The following PRKG2 variants were observed in gnomAD, a reference collection of about 807,000 sequenced individuals.
The protein encoded by PRKG2 is cGMP-dependent protein kinase 2.
PRKG2 carries 33 observed loss-of-function variants against 97.2 expected under a neutral mutation model. The ratio of observed to expected loss-of-function variants is 0.34; its 90% CI spans 0.26 to 0.45. The LOEUF is 0.45. PRKG2 is among the 20% of genes least tolerant of loss of function. The pLI is 1.00. For missense variants in PRKG2, 638 were observed against 900.0 expected (o/e 0.71, Z 3.73); for synonymous variants, 330 against 321.8 (o/e 1.03, Z -0.27).
intron 14 of PRKG2, among the ~76,000 whole-genome samples, chr4:81,115,131 C>T (rs1744384814): frequency 6.6e-6 from 1 of 151,982 alleles, no homozygotes; most frequent in Non-Finnish European, 1.5e-5. Context: ...GAAATGTATA[C>T]AAGAGTAAAA....
intron 1 of PRKG2, among the ~76,000 whole-genome samples, chr4:81,210,399 C>A (rs1753908127): frequency 6.6e-6 from 1 of 152,060 alleles, no homozygotes; most frequent in Admixed American, 6.6e-5. Context: ...AAGATCTGAG[C>A]AGACACCTCA....
intron 6 of PRKG2, among the ~76,000 whole-genome samples, chr4:81,154,704 C>A (rs1748833030): frequency 6.6e-6 from 1 of 152,148 alleles, no homozygotes; most frequent in African/African-American, 2.4e-5. Context: ...CTCTAAAAAG[C>A]AGAGCGCCTC....
At chr4:81,147,218 G>C (rs2110049578) in intron 9 of PRKG2, among the ~76,000 whole-genome samples, 1 of 152,120 alleles carries the variant, frequency 6.6e-6, no homozygotes, top group South Asian at 2.1e-4. Flanking sequence ...TGGTGTATGT[G>C]ATTACAATGA....
chr4:81,106,602 A>G (rs1743368022), intron 15 of PRKG2, among the ~76,000 whole-genome samples: 2 of 152,222 alleles, frequency 1.3e-5, no homozygotes, highest in African/African-American at 4.8e-5. Context: ...AAGGAGCCCC[A>G]GTAACCTTGC....
chr4:81,166,475 T>A (rs1749996709), intron 6 of PRKG2, among the ~76,000 whole-genome samples: 1 of 152,166 alleles, frequency 6.6e-6, no homozygotes, highest in Non-Finnish European at 1.5e-5. Context: ...TTTAATTCTC[T>A]GAAATCTGAA....
intron 6 of PRKG2, among the ~76,000 whole-genome samples, chr4:81,159,105 C>T (rs1429604536): frequency 2.0e-5 from 3 of 152,140 alleles, no homozygotes; most frequent in South Asian, 2.1e-4. Context: ...CCAAAATTGA[C>T]AAATGGGATC....
Position 81,089,669 on chromosome 4 carries a change from T to C in PRKG2, c.*39A>G. ...GTTGGATTATTGATCCTTGAGGTCCTCTTCTGTAGAGTACAGGCAGTAATC... is the reference window on the plus strand; with the variant it reads ...GTTGGATTATTGATCCTTGAGGTCCCCTTCTGTAGAGTACAGGCAGTAATC... On this transcript the variant is annotated 3_prime_UTR_variant, in exon 19 of 19. Transcript: ENST00000264399. The C allele has an allele frequency of 7.1e-7, 1 of 1,412,840 alleles. No individual in the cohort carries two copies. The highest frequency in any genetic ancestry group is 9.9e-7 in the Non-Finnish European group (1 of 1,006,202). The allele number at this position is 1,412,840 out of a possible 1,614,324, so 87.5% of individuals were successfully genotyped here. A position where few individuals can be genotyped will look rare whatever the true frequency, so the allele number is the denominator to read the frequency against.
At position 81,144,705 on chromosome 4, in the gene PRKG2, C is replaced by T. The variant is rs561226298; in HGVS notation, c.1155-375G>A. On this transcript the variant is annotated intron_variant, in intron 9 of 18. Coordinates refer to ENST00000264399, the MANE Select transcript of PRKG2 (RefSeq NM_006259.3). ...CATGTGCCATGCTGGTGTGCTGCAC[C>T]CATTAACTCGTCATTTACATTAAGT... Among the ~76,000 whole-genome samples, 97 of 149,432 alleles carry T rather than the reference C, an allele frequency of 6.5e-4. No homozygotes were observed. In the South Asian group the frequency reaches 6.8e-3, roughly 10 times the overall value.
chr4:81,093,730 C>T (rs1112880), intron 17 of PRKG2, among the ~76,000 whole-genome samples: 25,495 of 152,100 alleles, frequency 0.17, 3,813 homozygotes, highest in African/African-American at 0.4. Context: ...TTATGCATCA[C>T]TCATCTAAAA....
intron 14 of PRKG2, among the ~76,000 whole-genome samples, chr4:81,131,729 A>G (rs1328733056): frequency 6.6e-6 from 1 of 152,108 alleles, no homozygotes; most frequent in African/African-American, 2.4e-5. Flanking sequence ...TTGTTTCAGC[A>G]ATGTTTTTTG....
intron 14 of PRKG2, among the ~76,000 whole-genome samples, chr4:81,119,326 G>T (rs776772954): frequency 6.6e-6 from 1 of 152,108 alleles, no homozygotes; most frequent in South Asian, 2.1e-4. Flanking sequence ...ACTTTTTAGC[G>T]TCTGGATGTC....
intron 17 of PRKG2, among the ~76,000 whole-genome samples, chr4:81,093,167 T>G (rs1228159589): frequency 1.3e-5 from 2 of 151,972 alleles, no homozygotes; most frequent in Non-Finnish European, 2.9e-5. Context: ...CTCCCTTAAC[T>G]CATTTATCTT....
Position 81,144,306 on chromosome 4 carries a change from T to G in PRKG2, c.1179A>C (p.Thr393=). ...DRETFNQTVG[T]FEELQKYLEG... is the part of the protein sequence containing the mutation. Reference sequence around the variant, plus strand: ...CAAGGTATTTTTGCAGCTCTTCAAATGTACCGACAGTTTGGTTGAATGTTC... The same window carrying G: ...CAAGGTATTTTTGCAGCTCTTCAAAGGTACCGACAGTTTGGTTGAATGTTC... The change falls in exon 10 of 19, where the codon ACA becomes ACC. Residue 393 remains threonine, a synonymous_variant. Coordinates refer to ENST00000264399, the MANE Select transcript of PRKG2 (RefSeq NM_006259.3). 6.2e-7 allele frequency: 1 copy of G among 1,611,506 alleles called. No homozygotes were observed.
chr4:81,165,822 T>A (rs1301974417), intron 6 of PRKG2, among the ~76,000 whole-genome samples: 1 of 152,166 alleles, frequency 6.6e-6, no homozygotes, highest in Non-Finnish European at 1.5e-5. Flanking sequence ...TAATTTACCA[T>A]TTATTTTTAA....
intron 2 of PRKG2, among the ~76,000 whole-genome samples, chr4:81,185,625 T>C: frequency 6.6e-6 from 1 of 152,016 alleles, no homozygotes; most frequent in East Asian, 1.9e-4. Flanking sequence ...CACATAATAA[T>C]ATTAACCTTA....
At chr4:81,181,006 C>T (rs1299755300) in intron 2 of PRKG2, among the ~76,000 whole-genome samples, 1 of 131,372 alleles carries the variant, frequency 7.6e-6, no homozygotes, top group Non-Finnish European at 1.6e-5. Flanking sequence ...CACAGCAGTC[C>T]CCGGAGTGTG....
At chr4:81,174,293 CAAT>C (rs929393896) in intron 3 of PRKG2, among the ~76,000 whole-genome samples, 3 of 152,094 alleles carry the variant, frequency 2.0e-5, no homozygotes, top group Non-Finnish European at 4.4e-5. Flanking sequence ...TCCAGAACCA[CAAT>C]AATAATTGTT....
intron 1 of PRKG2, among the ~76,000 whole-genome samples, chr4:81,212,193 G>A (rs1369994301): frequency 6.6e-6 from 1 of 152,056 alleles, no homozygotes; most frequent in Non-Finnish European, 1.5e-5. Context: ...CATCCTGGCT[G>A]GAGAAAAACT....
chr4:81,179,263 A>T (rs1751200657), intron 2 of PRKG2, among the ~76,000 whole-genome samples: 1 of 151,528 alleles, frequency 6.6e-6, no homozygotes, highest in Non-Finnish European at 1.5e-5. Context: ...ACCATAGTCA[A>T]ATTGCTGAAA....
Sources: gnomAD v4.1 joint callset for allele counts (sites outside exome capture counted in the v4.1 genomes callset) on GRCh38, gnomAD v4.1.1 for gene constraint, MANE v1.5 for transcripts, NCBI Gene and HGNC (gene_info 2026-07-23, HGNC 2026-07-21) for gene names.